Variants in EPHA3 observed in about 807,000 individuals in gnomAD.
The protein encoded by EPHA3 is ephrin type-A receptor 3.
EPHA3 carries 42 observed loss-of-function variants against 107.1 expected under a neutral mutation model. The observed-to-expected ratio is 0.39, with a 90% CI of 0.31 to 0.51. EPHA3 has a LOEUF of 0.51. Among genes scored for constraint, EPHA3 ranks in the 20% least tolerant of loss-of-function variants. The probability of loss-of-function intolerance (pLI) is 0.78; values close to 1 mark genes in which losing one functional copy is unlikely to be tolerated. For synonymous variants in EPHA3, 461 were observed against 424.8 expected (o/e 1.09, Z -1.05); for missense variants, 1,183 against 1,211.2 (o/e 0.98, Z 0.35).
At chr3:89,261,670 C>T (rs1288287964) in intron 3 of EPHA3, among the ~76,000 whole-genome samples, 2 of 151,892 alleles carry the variant, frequency 1.3e-5, no homozygotes, top group Admixed American at 6.6e-5. Flanking sequence ...AGAGCATGTA[C>T]CCAGAAAATA....
rs144914653 is a variant in EPHA3 at position 89,178,983 on chromosome 3, A to G, written c.154-30877A>G. Among the ~76,000 whole-genome samples the G allele has an allele frequency of 1.4e-3, 207 of 151,952 alleles. 5 individuals are homozygous for G. Among genetic ancestry groups the G allele is most frequent in the Middle Eastern group, 7.9e-3 (2 of 254 alleles). ...ATAAAAACTAGATGTATATTATATTATTAATGTGGGATGTTTTTCTAAAAG... is the reference window on the plus strand; with the variant it reads ...ATAAAAACTAGATGTATATTATATTGTTAATGTGGGATGTTTTTCTAAAAG... On this transcript the variant is annotated intron_variant, in intron 2 of 16. Transcript: ENST00000336596.
chr3:89,349,212 G>T (rs1375366801), intron 5 of EPHA3, among the ~76,000 whole-genome samples: 2 of 45,108 alleles, frequency 4.4e-5, no homozygotes, highest in East Asian at 9.7e-4. Context: ...TGTTGACAGT[G>T]GGGTGTTAAA....
chr3:89,459,441 TTCTC>T (rs893109384), intron 15 of EPHA3, among the ~76,000 whole-genome samples: 2 of 150,612 alleles, frequency 1.3e-5, no homozygotes, highest in Admixed American at 6.6e-5. Flanking sequence ...CTTTCTTTCT[TTCTC>T]TTTCTTTCTT....
chr3:89,256,520 T>C lies in EPHA3; in HGVS notation c.814+46000T>C, dbSNP rs185859277. ...CAGAGGTTGCATTGAGCCGAGATCG[T>C]GCCATTGCACTCCAGCCTGGCGACA... On this transcript the variant is annotated intron_variant, in intron 3 of 16. Transcript: ENST00000336596. Among the ~76,000 whole-genome samples the C allele has an allele frequency of 6.7e-3, 1,018 of 151,986 alleles. 11 individuals are homozygous for C. Among genetic ancestry groups the C allele is most frequent in the African/African-American group, 0.024 (985 of 41,440 alleles).
intron 11 of EPHA3, 37 bp from the exon 12 acceptor site, chr3:89,429,069 T>A (rs775510520): frequency 7.1e-7 from 1 of 1,400,940 alleles, no homozygotes; most frequent in Non-Finnish European, 1.0e-6. Flanking sequence ...ATACTTGAAC[T>A]GTACTGATTA....
intron 2 of EPHA3, among the ~76,000 whole-genome samples, chr3:89,164,929 A>C (rs1215564898): frequency 6.6e-6 from 1 of 152,186 alleles, no homozygotes; most frequent in Non-Finnish European, 1.5e-5. Context: ...TTGTAGTACT[A>C]CTCAAACAAA....
intron 3 of EPHA3, among the ~76,000 whole-genome samples, chr3:89,245,283 C>G (rs1705004972): frequency 6.6e-6 from 1 of 151,902 alleles, no homozygotes; most frequent in Admixed American, 6.6e-5. Context: ...CTAGAATATC[C>G]AGTTATATAG....
intron 5 of EPHA3, among the ~76,000 whole-genome samples, chr3:89,345,345 T>G (rs887479513): frequency 1.3e-5 from 2 of 151,252 alleles, no homozygotes; most frequent in Non-Finnish European, 3.0e-5. Flanking sequence ...ATTTCCTCCC[T>G]TTACCAGTTT....
intron 7 of EPHA3, chr3:89,400,095 A>G: frequency 9.9e-7 from 1 of 1,011,606 alleles, no homozygotes; most frequent in Non-Finnish European, 1.2e-6. Flanking sequence ...GCCCTTTGCT[A>G]AAATATAATT....
At chr3:89,425,935 T>C (rs2107531928) in intron 11 of EPHA3, among the ~76,000 whole-genome samples, 1 of 151,800 alleles carries the variant, frequency 6.6e-6, no homozygotes, top group South Asian at 2.1e-4. Flanking sequence ...AACAGACTGA[T>C]TTGCTTCCCT....
intron 3 of EPHA3, among the ~76,000 whole-genome samples, chr3:89,242,582 C>T (rs187332505): frequency 6.6e-6 from 1 of 151,916 alleles, no homozygotes; most frequent in South Asian, 2.1e-4. Context: ...GGACTACGGG[C>T]GCCCACCACC....
intron 2 of EPHA3, among the ~76,000 whole-genome samples, chr3:89,146,705 G>A (rs751918586): frequency 2.0e-5 from 3 of 151,862 alleles, no homozygotes; most frequent in Non-Finnish European, 4.4e-5. Context: ...TTTTAGTCAT[G>A]AAGTCTTTGC....
chr3:89,435,006 T>A (rs1709638015), intron 13 of EPHA3, among the ~76,000 whole-genome samples: 1 of 152,162 alleles, frequency 6.6e-6, no homozygotes, highest in African/African-American at 2.4e-5. Context: ...TCTCTCATAA[T>A]AGGCCTTATT....
At chr3:89,350,975 C>T (rs1707800587) in intron 5 of EPHA3, among the ~76,000 whole-genome samples, 1 of 151,454 alleles carries the variant, frequency 6.6e-6, no homozygotes, top group African/African-American at 2.4e-5. Flanking sequence ...TCTGCCGGTT[C>T]TCAGATCTCC....
At chr3:89,256,726 A>G (rs961516252) in intron 3 of EPHA3, among the ~76,000 whole-genome samples, 7 of 152,176 alleles carry the variant, frequency 4.6e-5, no homozygotes. Flanking sequence ...AATATGCAAA[A>G]AATATTTTCA....
chr3:89,143,504 G>A (rs1032311494), intron 2 of EPHA3, among the ~76,000 whole-genome samples: 1 of 151,508 alleles, frequency 6.6e-6, no homozygotes, highest in Non-Finnish European at 1.5e-5. Flanking sequence ...AGCTATCAAA[G>A]TCAAGAAAGA....
chr3:89,247,376 G>A (rs1705058115), intron 3 of EPHA3, among the ~76,000 whole-genome samples: 1 of 152,170 alleles, frequency 6.6e-6, no homozygotes, highest in South Asian at 2.1e-4. Flanking sequence ...TAATATCATG[G>A]CAAAGTTCTG....
intron 3 of EPHA3, among the ~76,000 whole-genome samples, chr3:89,294,428 T>A (rs936326959): frequency 6.6e-5 from 10 of 152,202 alleles, no homozygotes; most frequent in African/African-American, 1.9e-4. Context: ...GCTCTTCACA[T>A]TTTAAAATGC....
chr3:89,351,551 A>G (rs2107442746), intron 5 of EPHA3, among the ~76,000 whole-genome samples: 1 of 150,718 alleles, frequency 6.6e-6, no homozygotes, highest in East Asian at 2.0e-4. Flanking sequence ...GGTACCTCAG[A>G]TGGAAATGCA....
Sources: allele counts gnomAD v4.1 joint callset (sites outside exome capture counted in the v4.1 genomes callset), GRCh38; gene constraint gnomAD v4.1.1; transcripts MANE v1.5; gene names NCBI Gene and HGNC (gene_info 2026-07-23, HGNC 2026-07-21).